TNKS: variants seen among roughly 807,000 people sequenced by gnomAD.
TNKS encodes poly [ADP-ribose] polymerase tankyrase-1.
In TNKS, 72 loss-of-function variants were observed where a neutral mutation model predicts 135.8. The observed-to-expected ratio is 0.53, with a 90% CI of 0.44 to 0.64. The LOEUF (loss-of-function observed/expected upper bound fraction) is 0.64. Among genes scored for constraint, TNKS ranks in the 30% least tolerant of loss-of-function variants. The probability of loss-of-function intolerance (pLI) is 0.00; values close to 1 mark genes in which losing one functional copy is unlikely to be tolerated. For synonymous variants in TNKS, 849 were observed against 649.3 expected (o/e 1.31, Z -4.68); for missense variants, 1,769 against 1,674.0 (o/e 1.06, Z -0.99).
At chr8:9,592,684 A>G (rs1447650441) in intron 2 of TNKS, among the ~76,000 whole-genome samples, 1 of 152,200 alleles carries the variant, frequency 6.6e-6, no homozygotes, top group Non-Finnish European at 1.5e-5. Flanking sequence ...ATGTCTAATT[A>G]TATTCAAGAA....
chr8:9,585,577 G>A (rs776910435), intron 2 of TNKS, among the ~76,000 whole-genome samples: 2 of 152,172 alleles, frequency 1.3e-5, no homozygotes, highest in Admixed American at 6.5e-5. Context: ...AATATTGACA[G>A]CTTGAAGACA....
At chr8:9,559,710 G>A (rs528325350) in intron 1 of TNKS, among the ~76,000 whole-genome samples, 7 of 152,194 alleles carry the variant, frequency 4.6e-5, no homozygotes, top group Admixed American at 2.6e-4. Flanking sequence ...GTGGTATTTG[G>A]AAATCATTTT....
rs775790452 is a variant in TNKS, at chr8:9,579,625, C to T, written c.674-534C>T. ...GTGGGATTACAGGTGCCTGCCATCA[C>T]GCCTGGCTAATTTTTGTGGTTTTAT... On this transcript the variant is annotated intron_variant, in intron 1 of 26. Coordinates refer to ENST00000310430, the MANE Select transcript of TNKS (RefSeq NM_003747.3). Among the ~76,000 whole-genome samples, 6 of 152,234 alleles carry T rather than the reference C, an allele frequency of 3.9e-5. No individual in the cohort carries two copies. In the South Asian group the frequency reaches 8.3e-4, roughly 21 times the overall value.
intron 3 of TNKS, among the ~76,000 whole-genome samples, chr8:9,617,294 T>C (rs1799682006): frequency 6.6e-6 from 1 of 152,222 alleles, no homozygotes; most frequent in Non-Finnish European, 1.5e-5. Flanking sequence ...TCTACTAAAA[T>C]TGACTTTAAA....
intron 12 of TNKS, among the ~76,000 whole-genome samples, chr8:9,720,868 A>G (rs1014743339): frequency 6.6e-6 from 1 of 152,242 alleles, no homozygotes; most frequent in African/African-American, 2.4e-5. Context: ...AAAATTATAA[A>G]TCATTCATAT....
intron 2 of TNKS, among the ~76,000 whole-genome samples, chr8:9,592,567 A>T (rs1798626430): frequency 6.6e-6 from 1 of 152,206 alleles, no homozygotes; most frequent in Admixed American, 6.5e-5. Context: ...CCAGATTCTT[A>T]AACTGAATCA....
intron 3 of TNKS, among the ~76,000 whole-genome samples, chr8:9,632,389 G>T (rs778097700): frequency 6.6e-6 from 1 of 152,010 alleles, no homozygotes; most frequent in Non-Finnish European, 1.5e-5. Flanking sequence ...AATTATTAAC[G>T]TATTTCAGGG....
intron 11 of TNKS, 169 bp downstream of exon 11, chr8:9,710,389 T>TAATA (rs1311754320): frequency 1.6e-6 from 1 of 642,344 alleles, no homozygotes; most frequent in South Asian, 2.0e-5. Context: ...ATCTTGTTTC[T>TAATA]AATAAAAATA....
chr8:9,559,781 C>G (rs1286391656), intron 1 of TNKS, among the ~76,000 whole-genome samples: 3 of 152,102 alleles, frequency 2.0e-5, no homozygotes, highest in African/African-American at 7.2e-5. Context: ...TTTATATTAC[C>G]TTAAGAATAA....
intron 1 of TNKS, chr8:9,557,564 T>A (rs1283501114): frequency 6.6e-6 from 1 of 152,164 alleles, no homozygotes; most frequent in Non-Finnish European, 1.5e-5. Flanking sequence ...TTTTATACAT[T>A]AGAAACATTA....
intron 3 of TNKS, among the ~76,000 whole-genome samples, chr8:9,673,550 TTC>T: frequency 6.7e-6 from 1 of 148,246 alleles, no homozygotes; most frequent in East Asian, 2.1e-4. Context: ...GTTTAAGAAA[TTC>T]TCTGTCTCAG....
At chr8:9,600,895 C>A (rs1034727954) in intron 2 of TNKS, among the ~76,000 whole-genome samples, 2 of 152,166 alleles carry the variant, frequency 1.3e-5, no homozygotes, top group African/African-American at 2.4e-5. Context: ...ATTACAGAAT[C>A]TAAATTAATA....
chr8:9,653,483 G>C (rs1168721486), intron 3 of TNKS, among the ~76,000 whole-genome samples: 1 of 151,966 alleles, frequency 6.6e-6, no homozygotes, highest in Non-Finnish European at 1.5e-5. Flanking sequence ...AGCTTCTGGT[G>C]AGGGCCTCGT....
intron 3 of TNKS, among the ~76,000 whole-genome samples, chr8:9,674,260 C>A (rs1238726467): frequency 2.0e-5 from 3 of 152,144 alleles, no homozygotes; most frequent in Non-Finnish European, 4.4e-5. Context: ...AATGAAGGTT[C>A]TGTGAAGCAT....
intron 2 of TNKS, among the ~76,000 whole-genome samples, chr8:9,589,449 C>T (rs1387352109): frequency 6.6e-6 from 1 of 152,190 alleles, no homozygotes; most frequent in East Asian, 1.9e-4. Context: ...AACAACCAAG[C>T]CAGCTCCAAG....
At chr8:9,680,919 C>A (rs1014582430) in intron 5 of TNKS, 119 bp downstream of exon 5, 4 of 664,526 alleles carry the variant, frequency 6.0e-6, no homozygotes, top group Admixed American at 2.4e-5. Flanking sequence ...CATCTTTTCA[C>A]TGTAAATGAA....
intron 24 of TNKS, 152 bp from the exon 25 acceptor site, chr8:9,766,087 A>C (rs1187501697): frequency 5.7e-6 from 4 of 696,000 alleles, no homozygotes; most frequent in Non-Finnish European, 6.9e-6. Flanking sequence ...GTACTAGTAC[A>C]TTATTATGTA....
At chr8:9,660,543 A>C (rs916603476) in intron 3 of TNKS, among the ~76,000 whole-genome samples, 2 of 152,222 alleles carry the variant, frequency 1.3e-5, no homozygotes, top group African/African-American at 4.8e-5. Context: ...AACAACCTTC[A>C]TGCTAAAAAC....
chr8:9,703,846 A>G (rs974287484), intron 5 of TNKS, among the ~76,000 whole-genome samples: 6 of 152,184 alleles, frequency 3.9e-5, no homozygotes, highest in African/African-American at 1.2e-4. Context: ...GAAAATTGCT[A>G]TGGTTGCAGA....
Sources: allele counts gnomAD v4.1 joint callset (sites outside exome capture counted in the v4.1 genomes callset), GRCh38; gene constraint gnomAD v4.1.1; transcripts MANE v1.5; gene names NCBI Gene and HGNC (gene_info 2026-07-23, HGNC 2026-07-21).